Variants in ZNF606 observed in about 807,000 individuals in gnomAD.
ZNF606 encodes the protein zinc finger protein 606.
A neutral mutation model predicts 74.9 loss-of-function variants in ZNF606; 37 were observed. The observed-to-expected ratio is 0.49, with a 90% CI of 0.38 to 0.65. The LOEUF is 0.65. ZNF606 is among the 30% of genes least tolerant of loss of function. The pLI is 0.00. For missense variants in ZNF606, 852 were observed against 952.9 expected, an observed-to-expected ratio of 0.89 and a Z score of 1.39; for synonymous variants, 328 against 312.4, an observed-to-expected ratio of 1.05 and a Z score of -0.53.
chr19:57,980,864 A>C (rs993983052), intron 6 of ZNF606, among the ~76,000 whole-genome samples: 8 of 151,848 alleles, frequency 5.3e-5, no homozygotes, highest in Non-Finnish European at 8.8e-5. Flanking sequence ...ATGTGCAAGA[A>C]AGAGTTAACT....
intron 6 of ZNF606, among the ~76,000 whole-genome samples, chr19:57,983,882 G>C (rs1276393606): frequency 1.3e-5 from 2 of 152,204 alleles, no homozygotes; most frequent in Non-Finnish European, 2.9e-5. Flanking sequence ...AGAAAAAATA[G>C]AAGGTTTTGA....
chr19:58,002,946 C>G (rs201319013), upstream of ZNF606: 48 of 455,702 alleles, frequency 1.1e-4, no homozygotes, highest in Admixed American at 4.7e-5. Context: ...GGGTTGGGAC[C>G]TTTCTGGCAC....
At chr19:58,000,395 G>T in intron 3 of ZNF606, 2 of 548,620 alleles carry the variant, frequency 3.6e-6, no homozygotes, top group Admixed American at 3.3e-5. Context: ...CTAATTTTTT[G>T]TATTTTGTTT....
At chr19:57,984,866 G>A (rs944383179) in intron 6 of ZNF606, among the ~76,000 whole-genome samples, 11 of 152,156 alleles carry the variant, frequency 7.2e-5, no homozygotes, top group East Asian at 3.8e-4. Context: ...AGGCTGAGGC[G>A]GACGGATCAC....
intron 4 of ZNF606, among the ~76,000 whole-genome samples, chr19:57,990,824 T>C (rs1293946010): frequency 6.6e-6 from 1 of 152,136 alleles, no homozygotes; most frequent in East Asian, 1.9e-4. Context: ...CATGATGGGC[T>C]TAAAACAAAG....
At chr19:57,999,571 C>A in intron 4 of ZNF606, 1 of 522,576 alleles carries the variant, frequency 1.9e-6, no homozygotes, top group Non-Finnish European at 3.4e-6. Context: ...CCCTTCATGC[C>A]CCACAACAAG....
chr19:57,996,058 A>G (rs893640960), intron 4 of ZNF606, among the ~76,000 whole-genome samples: 3 of 152,340 alleles, frequency 2.0e-5, no homozygotes, highest in South Asian at 2.1e-4. Flanking sequence ...AATTAAAACT[A>G]AAATAAATTT....
Position 57,993,150 on chromosome 19 carries a change from A to G in ZNF606, c.178-4429T>C, listed in dbSNP as rs115235422. ...GGAAGCAGTCTCCCCTTGAGCCTCCAGAAGAAACACAGCCCTGCAGACCCA... is the reference window on the plus strand; with the variant it reads ...GGAAGCAGTCTCCCCTTGAGCCTCCGGAAGAAACACAGCCCTGCAGACCCA... On this transcript the variant is annotated intron_variant, in intron 4 of 6. Transcript: ENST00000551380. Among the ~76,000 whole-genome samples the G allele has an allele frequency of 2.6e-3, 399 of 152,332 alleles. 3 individuals are homozygous for G. Among genetic ancestry groups the G allele is most frequent in the African/African-American group, 9.1e-3 (380 of 41,576 alleles).
intron 2 of ZNF606, chr19:58,001,057 G>GA: frequency 1.8e-6 from 1 of 568,024 alleles, no homozygotes; most frequent in South Asian, 2.6e-5. Flanking sequence ...CAAACCACCA[G>GA]AAAAATCCCT....
At chr19:57,985,944 T>TA (rs2073157631) in intron 6 of ZNF606, among the ~76,000 whole-genome samples, 2 of 148,944 alleles carry the variant, frequency 1.3e-5, no homozygotes, top group Admixed American at 6.7e-5. Context: ...AATAAATAAA[T>TA]AAATAAAATA....
chr19:57,986,023 T>A (rs2073159048), intron 6 of ZNF606, among the ~76,000 whole-genome samples: 1 of 152,040 alleles, frequency 6.6e-6, no homozygotes, highest in Non-Finnish European at 1.5e-5. Flanking sequence ...GGATCTTCAA[T>A]AAGATTAACA....
At chr19:57,988,417 T>A in intron 5 of ZNF606, 115 bp from the exon 6 acceptor site, 3 of 1,356,986 alleles carry the variant, frequency 2.2e-6, no homozygotes. Flanking sequence ...ATATGCAAGG[T>A]CCTTCCCACT....
chr19:57,978,166 G>A lies in ZNF606; in HGVS notation c.*135C>T, dbSNP rs1163307109. The A allele has an allele frequency of 2.2e-6, 2 of 903,682 alleles. No individual in the cohort carries two copies. Among genetic ancestry groups the A allele is most frequent in the African/African-American group, 3.4e-5 (2 of 58,586 alleles). The allele number at this position is 903,682 out of a possible 1,614,324, so 56.0% of individuals were successfully genotyped here. The stretch of plus-strand genomic sequence containing the variant: ...TTTTCCTTCATGGGGTTTCTTCTAA[G>A]ATGATATTTTCTAGTAAATAATGTG... On this transcript the variant is annotated 3_prime_UTR_variant, in exon 7 of 7. Transcript: ENST00000551380. This position sits in a 1 kb window ranked among gnomAD's most constrained non-coding sequence, Gnocchi z 4.4.
At chr19:58,000,529 T>C in intron 3 of ZNF606, 154 bp downstream of exon 3, 1 of 856,924 alleles carries the variant, frequency 1.2e-6, no homozygotes. Flanking sequence ...ACTAGTTTTC[T>C]GATTCCTCCT....
At chr19:58,003,289 T>C (rs199846790), upstream of ZNF606, 50 of 456,610 alleles carry the variant, frequency 1.1e-4, no homozygotes, top group Non-Finnish European at 2.2e-4. Flanking sequence ...CAAGTCTCTT[T>C]CCAGAGGCCA....
At chr19:58,001,150 A>T (rs1229161751) in intron 2 of ZNF606, 139 bp downstream of exon 2, 1 of 992,796 alleles carries the variant, frequency 1.0e-6, no homozygotes, top group East Asian at 2.6e-5. Flanking sequence ...CTCCTTTACC[A>T]CCAATCAGTT....
At chr19:58,000,412 A>T in intron 3 of ZNF606, 1 of 570,346 alleles carries the variant, frequency 1.8e-6, no homozygotes, top group Non-Finnish European at 3.1e-6. Context: ...GTTTTAGTAG[A>T]GACGGGGTTT....
chr19:57,987,701 G>A (rs1417157804), intron 6 of ZNF606, among the ~76,000 whole-genome samples: 1 of 152,004 alleles, frequency 6.6e-6, no homozygotes, highest in Non-Finnish European at 1.5e-5. Flanking sequence ...GGTGGCGGGT[G>A]CCTGTAATCC....
Position 57,988,382 on chromosome 19 carries a change from C to T in ZNF606, c.305-80G>A, listed in dbSNP as rs1600220365. ...AGAAAGCTTCTCTTGCCTATTCCTC[C>T]CTGTGACTTCTCAACCTGGGCAGAA... On this transcript the variant is annotated intron_variant, in intron 5 of 6. Transcript: ENST00000551380. 24 of 1,457,850 alleles carry T rather than the reference C, an allele frequency of 1.6e-5. No individual in the cohort carries two copies. In the South Asian group the frequency reaches 2.8e-4, roughly 17 times the overall value. 90.3% of individuals were successfully genotyped at this position (1,457,850 alleles called of 1,614,324 possible).
Sources: gnomAD v4.1 joint callset for allele counts (sites outside exome capture counted in the v4.1 genomes callset) on GRCh38, gnomAD v4.1.1 for gene constraint, Gnocchi (gnomAD v3.1) non-coding constraint, MANE v1.5 for transcripts, NCBI Gene and HGNC (gene_info 2026-07-23, HGNC 2026-07-21) for gene names.